The following ADGB variants were observed in gnomAD, a reference collection of about 807,000 sequenced individuals.
ADGB encodes calpain-7-like protein.
Under a neutral mutation model 210.5 loss-of-function variants are expected in ADGB, and 172 were observed. The observed-to-expected ratio is 0.82, with a 90% confidence interval of 0.72 to 0.93. The LOEUF (loss-of-function observed/expected upper bound fraction) is 0.93, where lower values mean the gene tolerates loss of function less well. Among genes scored for constraint, ADGB ranks in the 40% least tolerant of loss-of-function variants. The pLI is 0.00. For missense variants in ADGB, 2,025 were observed against 1,964.8 expected (o/e 1.03, Z -0.58); for synonymous variants, 658 against 662.7 (o/e 0.99, Z 0.11).
chr6:146,763,493 T>C (rs1228334873), intron 27 of ADGB, among the ~76,000 whole-genome samples: 1 of 152,120 alleles, frequency 6.6e-6, no homozygotes, highest in Non-Finnish European at 1.5e-5. Flanking sequence ...CTATCAGCAG[T>C]ACTTATATGA....
rs900130425 is a variant in ADGB at position 146,654,177 on chromosome 6, T to G, written c.373T>G (p.Ser125Ala). ...VKNEITFDLF[S>A]ANEHLLCSEL... ...AAATGAAATCACGTTTGACTTATTT[T>G]CAGCAAATGAACATTTACTCTGCAG... The change falls in exon 4 of 36, where the codon TCA (serine) becomes GCA (alanine). Residue 125 changes from serine (S) to alanine (A), a missense_variant. By Grantham distance (99) the Ser-to-Ala change is moderately conservative. Transcript: ENST00000397944. 2 of 1,545,450 alleles carry G rather than the reference T, an allele frequency of 1.3e-6. No individual in the cohort carries two copies. The highest frequency in any genetic ancestry group is 1.8e-6 in the Non-Finnish European group (2 of 1,142,736).
intron 13 of ADGB, among the ~76,000 whole-genome samples, chr6:146,708,634 C>T (rs1455114263): frequency 6.6e-6 from 1 of 152,076 alleles, no homozygotes; most frequent in Non-Finnish European, 1.5e-5. Flanking sequence ...TCAGAATCCT[C>T]TCTTTGTCTT....
chr6:146,669,435 C>T (rs9497602), intron 7 of ADGB, among the ~76,000 whole-genome samples: 64,799 of 151,778 alleles, frequency 0.43, 13,915 homozygotes, highest in East Asian at 0.52. Flanking sequence ...GACTGTTTGA[C>T]CTTCCCCGTC....
intron 7 of ADGB, among the ~76,000 whole-genome samples, chr6:146,670,633 A>C (rs1469020264): frequency 6.6e-6 from 1 of 152,074 alleles, no homozygotes; most frequent in African/African-American, 2.4e-5. Flanking sequence ...TTTCATTTTC[A>C]TCATGGAAGT....
At position 146,788,540 on chromosome 6, in the gene ADGB, T is replaced by C. The variant is rs1394767907; in HGVS notation, c.4467T>C (p.Ser1489=). 5 of 1,551,270 alleles carry C rather than the reference T, an allele frequency of 3.2e-6. No homozygotes were observed. The highest frequency in any genetic ancestry group is 3.5e-6 in the Non-Finnish European group (4 of 1,146,880). Residue 1489 remains serine, a synonymous_variant, in exon 33 of 36, where the codon AGT becomes AGC. Coordinates refer to ENST00000397944, the MANE Select transcript of ADGB (RefSeq NM_024694.4). ...KGLRDVAKST[S]SESGGVSSPG... ...TGAGGGATGTGGCAAAATCCACGAG[T>C]AGCGAAAGTGGAGGAGTGTCTTCAC...
intron 13 of ADGB, among the ~76,000 whole-genome samples, chr6:146,712,025 C>T (rs1776664646): frequency 6.6e-6 from 1 of 150,506 alleles, no homozygotes; most frequent in South Asian, 2.1e-4. Flanking sequence ...CTACTGAACT[C>T]CAGCTTGGGC....
intron 12 of ADGB, among the ~76,000 whole-genome samples, chr6:146,694,249 T>C (rs1229939011): frequency 6.6e-6 from 1 of 152,148 alleles, no homozygotes. Flanking sequence ...TTGTGGCTTG[T>C]AAATAACAAA....
At position 146,656,841 on chromosome 6, in the gene ADGB, A is replaced by G; in HGVS notation, c.473A>G (p.Tyr158Cys). ...TTCAATGGAGGAATTTTGAGCAATT[A>G]TTTTAAGGGGACTTCAGGGGAACCT... is the stretch of plus-strand genomic sequence containing the variant. Reference protein sequence around the residue: ...KIFNGGILSNYFKGTSGEPPL... With the variant: ...KIFNGGILSNCFKGTSGEPPL... The change falls in exon 5 of 36, where the codon TAT becomes TGT. Residue 158 changes from tyrosine to cysteine, a missense_variant. Transcript: ENST00000397944. 6.4e-7 allele frequency: 1 copy of G among 1,551,616 alleles called. No homozygotes were observed. The highest frequency in any genetic ancestry group is 1.2e-5 in the South Asian group (1 of 83,962).
chr6:146,770,510 G>A (rs1777634538), intron 29 of ADGB: 1 of 448,014 alleles, frequency 2.2e-6, no homozygotes, highest in South Asian at 1.6e-5. Context: ...GCAGGGATGT[G>A]TTCTTCCTCG....
intron 33 of ADGB, among the ~76,000 whole-genome samples, chr6:146,790,739 A>G (rs1360450680): frequency 2.6e-5 from 4 of 152,126 alleles, no homozygotes; most frequent in Non-Finnish European, 5.9e-5. Flanking sequence ...TGGTAATTCT[A>G]CTTTTAGTTT....
At chr6:146,691,419 T>TATATATATATAA (rs1776307133) in intron 11 of ADGB, 129 bp downstream of exon 11, 1 of 49,246 alleles carries the variant, frequency 2.0e-5, no homozygotes, top group African/African-American at 1.7e-4. Context: ...TTAATATATA[T>TATATATATATAA]ATATATATAT....
intron 35 of ADGB, among the ~76,000 whole-genome samples, chr6:146,807,004 T>C (rs1021981486): frequency 1.3e-5 from 2 of 152,212 alleles, no homozygotes; most frequent in Non-Finnish European, 2.9e-5. Flanking sequence ...TCATCAAGTA[T>C]AGCTCATATA....
At chr6:146,721,954 G>T (rs1776823915) in intron 17 of ADGB, among the ~76,000 whole-genome samples, 1 of 151,956 alleles carries the variant, frequency 6.6e-6, no homozygotes, top group South Asian at 2.1e-4. Context: ...CTCCTCTGAT[G>T]CTTTTACCCC....
At chr6:146,713,438 T>C (rs1776687401) in intron 13 of ADGB, among the ~76,000 whole-genome samples, 1 of 152,198 alleles carries the variant, frequency 6.6e-6, no homozygotes. Context: ...GCCACCCTAA[T>C]GGGCATGAAA....
chr6:146,794,592 G>T (rs1778012188), intron 33 of ADGB, among the ~76,000 whole-genome samples: 2 of 151,890 alleles, frequency 1.3e-5, no homozygotes, highest in South Asian at 4.2e-4. Context: ...TATTACTGTG[G>T]CCTATTACAA....
intron 3 of ADGB, among the ~76,000 whole-genome samples, chr6:146,645,391 A>G (rs1377801607): frequency 1.3e-5 from 2 of 152,066 alleles, no homozygotes; most frequent in Non-Finnish European, 2.9e-5. Flanking sequence ...TCATTTTTAA[A>G]TAGCACTTAT....
Position 146,740,533 on chromosome 6 carries a change from T to G in ADGB, c.2963T>G (p.Phe988Cys). 1.3e-6 allele frequency: 2 copies of G among 1,550,782 alleles called. No homozygotes were observed. Among genetic ancestry groups the G allele is most frequent in the Non-Finnish European group, 1.7e-6 (2 of 1,146,430 alleles). Residue 988 changes from phenylalanine to cysteine, a missense_variant, in exon 24 of 36, where the codon TTT (phenylalanine) becomes TGT (cysteine). Phe to Cys is a radical substitution (Grantham distance 205). Transcript: ENST00000397944. The part of the protein sequence containing the change: ...CYQDEETKIA[F>C]ADYTVTYQEQ... The stretch of plus-strand genomic sequence containing the variant: ...CAAGATGAAGAAACTAAGATTGCTT[T>G]TGCAGATTATACTGTGACTTATCAA...
intron 1 of ADGB, among the ~76,000 whole-genome samples, chr6:146,614,606 T>A: frequency 6.6e-6 from 1 of 152,216 alleles, no homozygotes; most frequent in East Asian, 1.9e-4. Flanking sequence ...ATTTATAGGG[T>A]AATGTGATAT....
intron 1 of ADGB, among the ~76,000 whole-genome samples, chr6:146,623,603 A>G (rs1170054280): frequency 2.0e-5 from 3 of 151,874 alleles, no homozygotes; most frequent in African/African-American, 7.2e-5. Flanking sequence ...ATGCCAATAG[A>G]TTTTCTACAT....
Sources: gnomAD v4.1 joint callset for allele counts (sites outside exome capture counted in the v4.1 genomes callset) on GRCh38, gnomAD v4.1.1 for gene constraint, MANE v1.5 for transcripts, NCBI Gene and HGNC (gene_info 2026-07-23, HGNC 2026-07-21) for gene names.